The following TMEM62 variants were observed in gnomAD, a reference collection of about 807,000 sequenced individuals.
The protein encoded by TMEM62 is transmembrane protein 62.
In TMEM62, 41 loss-of-function variants were observed where a neutral mutation model predicts 70.4. The ratio of observed to expected loss-of-function variants is 0.58; its 90% CI spans 0.45 to 0.76. The LOEUF is 0.76. Ranked by LOEUF, TMEM62 falls within the 30% of genes least tolerant of loss-of-function variation. TMEM62 has a pLI of 0.00. For missense variants in TMEM62, 688 were observed against 788.5 expected, an observed-to-expected ratio of 0.87 and a Z score of 1.53; for synonymous variants, 268 against 291.0, an observed-to-expected ratio of 0.92 and a Z score of 0.80.
Position 43,184,506 on chromosome 15 carries a change from C to T in TMEM62, c.1852C>T (p.Leu618Phe). ...RTWLTLLTPV[L>F]IRYVWTLNST... ...CTGGTTGACACTGCTGACACCTGTTCTCATTCGTTATGTGTGGACACTGAA... is the reference window on the plus strand; with the variant it reads ...CTGGTTGACACTGCTGACACCTGTTTTCATTCGTTATGTGTGGACACTGAA... The change falls in exon 14 of 14, where the codon CTC becomes TTC. Residue 618 changes from leucine to phenylalanine, a missense_variant. Coordinates refer to ENST00000260403, the MANE Select transcript of TMEM62 (RefSeq NM_024956.4). The T allele has an allele frequency of 1.2e-6, 2 of 1,613,816 alleles. No homozygotes were observed. The highest frequency in any genetic ancestry group is 1.7e-6 in the Non-Finnish European group (2 of 1,180,020).
chr15:43,182,287 C>A (rs2041407406), intron 13 of TMEM62, among the ~76,000 whole-genome samples: 1 of 152,068 alleles, frequency 6.6e-6, no homozygotes, highest in Non-Finnish European at 1.5e-5. Flanking sequence ...AAGTTCATGG[C>A]CTTCTAACAG....
At chr15:43,166,253 CT>C (rs898278840) in intron 10 of TMEM62, among the ~76,000 whole-genome samples, 3 of 151,986 alleles carry the variant, frequency 2.0e-5, no homozygotes, top group Non-Finnish European at 2.9e-5. Flanking sequence ...GTTTTCTTTT[CT>C]TTTTTTTCTT....
In TMEM62 at chr15:43,178,656, C is replaced by A. The variant is rs2041029323; in HGVS notation, c.1431C>A (p.Ser477Arg). Residue 477 changes from serine (S) to arginine (R), a missense_variant, in exon 12 of 14, where the codon AGC becomes AGA. Transcript: ENST00000260403. ...NLTSFSLHVL[S>R]KINIFYYSVL... ...CCTCATTTTCTCTTCATGTCTTGAG[C>A]AAAATAAACATCTTCTACTATTCTG... 1 of 1,612,828 alleles carries A rather than the reference C, an allele frequency of 6.2e-7. No homozygotes were observed. Among genetic ancestry groups the A allele is most frequent in the African/African-American group, 1.3e-5 (1 of 74,862 alleles).
intron 9 of TMEM62, 189 bp from the exon 10 acceptor site, chr15:43,160,492 C>T: frequency 1.9e-6 from 1 of 520,242 alleles, no homozygotes; most frequent in South Asian, 2.6e-5. Flanking sequence ...AGTGAGCTAG[C>T]TATGATTGCA....
Position 43,181,220 on chromosome 15 carries a change from G to T in TMEM62, c.1526G>T (p.Gly509Val). The T allele has an allele frequency of 1.2e-6, 2 of 1,613,798 alleles. No homozygotes were observed. The highest frequency in any genetic ancestry group is 2.2e-5 in the South Asian group (2 of 91,064). Residue 509 changes from glycine to valine, a missense_variant, in exon 13 of 14, where the codon GGT becomes GTT. Physicochemically the swap from Gly to Val is moderately radical, Grantham distance 109. Transcript: ENST00000260403. ...GGTGAAATCATTGATGGCAAATTTG[G>T]TTGCTGCTTTTCCTTTGGGATATTT... is the stretch of plus-strand genomic sequence containing the variant. ...FFGEIIDGKF[G>V]CCFSFGIFVN...
chr15:43,148,321 T>C (rs2036927263), intron 5 of TMEM62, among the ~76,000 whole-genome samples: 1 of 152,216 alleles, frequency 6.6e-6, no homozygotes, highest in Non-Finnish European at 1.5e-5. Flanking sequence ...TGTTCCATCG[T>C]GTGGATGTAT....
chr15:43,160,411 C>T (rs1378534264), intron 9 of TMEM62: 2 of 290,716 alleles, frequency 6.9e-6, no homozygotes, highest in Admixed American at 5.1e-5. Flanking sequence ...ATTAGCCAGG[C>T]GTAGTGGTGT....
At chr15:43,178,365 A>G (rs1055572453) in intron 11 of TMEM62, among the ~76,000 whole-genome samples, 6 of 152,166 alleles carry the variant, frequency 3.9e-5, no homozygotes, top group African/African-American at 1.4e-4. Flanking sequence ...TATGATATAT[A>G]TAAAATATCT....
intron 10 of TMEM62, among the ~76,000 whole-genome samples, chr15:43,161,308 A>T (rs1848842556): frequency 6.6e-6 from 1 of 152,206 alleles, no homozygotes; most frequent in African/African-American, 2.4e-5. Context: ...GGATGCTATA[A>T]ATCCAGGATA....
intron 10 of TMEM62, among the ~76,000 whole-genome samples, chr15:43,165,461 C>T (rs923907385): frequency 2.6e-5 from 4 of 152,068 alleles, no homozygotes; most frequent in African/African-American, 9.7e-5. Flanking sequence ...AGGCTGGGTG[C>T]GGTGGCTCAC....
chr15:43,140,422 C>T (rs1183007286), intron 4 of TMEM62, among the ~76,000 whole-genome samples: 1 of 152,174 alleles, frequency 6.6e-6, no homozygotes, highest in Non-Finnish European at 1.5e-5. Flanking sequence ...CATTTGTTGT[C>T]CTGGATGTCA....
intron 9 of TMEM62, among the ~76,000 whole-genome samples, chr15:43,159,928 A>C (rs1239304891): frequency 3.3e-5 from 5 of 152,280 alleles, no homozygotes; most frequent in Admixed American, 6.5e-5. Context: ...ACGTGAGTGC[A>C]TGCTAATATT....
At chr15:43,138,730 G>A (rs994413706) in intron 4 of TMEM62, 111 bp downstream of exon 4, 1 of 921,260 alleles carries the variant, frequency 1.1e-6, no homozygotes, top group Non-Finnish European at 1.7e-6. Context: ...AAGAGGCAGG[G>A]GTCTCGCTAT....
At chr15:43,139,886 G>A (rs1336670791) in intron 4 of TMEM62, among the ~76,000 whole-genome samples, 1 of 152,238 alleles carries the variant, frequency 6.6e-6, no homozygotes, top group Non-Finnish European at 1.5e-5. Context: ...AGAAGCTGCA[G>A]CAAGTGACCC....
intron 8 of TMEM62, among the ~76,000 whole-genome samples, chr15:43,153,248 T>C (rs1044091576): frequency 3.3e-5 from 5 of 152,184 alleles, no homozygotes; most frequent in Non-Finnish European, 5.9e-5. Flanking sequence ...CTATTTTTAA[T>C]CATGGTAAGC....
intron 11 of TMEM62, among the ~76,000 whole-genome samples, chr15:43,171,238 AG>A (rs1430843498): frequency 4.6e-5 from 7 of 152,012 alleles, no homozygotes; most frequent in African/African-American, 1.7e-4. Flanking sequence ...CGGGAGGCTG[AG>A]GCATGAGAAT....
chr15:43,151,936 C>T lies in TMEM62; in HGVS notation c.1013C>T (p.Thr338Ile), dbSNP rs368044936. The T allele has an allele frequency of 4.3e-6, 7 of 1,610,028 alleles. No individual in the cohort carries two copies. The African/African-American group carries it at 8.0e-5, about 18-fold the overall frequency. The change falls in exon 8 of 14, where the codon ACA becomes ATA. Residue 338 changes from threonine (T) to isoleucine (I), a missense_variant. Transcript: ENST00000260403. ...HEPLERLLHS[T>I]HIRVLAFSLS... ...CCACTAGAAAGACTTCTTCACTCAA[C>T]ACACATCAGGTATGTAGCAATTTTT...
chr15:43,177,500 G>T (rs942258418), intron 11 of TMEM62, among the ~76,000 whole-genome samples: 1 of 151,952 alleles, frequency 6.6e-6, no homozygotes, highest in Admixed American at 6.6e-5. Flanking sequence ...CCCATTACTG[G>T]GTATATACCC....
At chr15:43,145,333 T>C (rs1456261470) in intron 4 of TMEM62, among the ~76,000 whole-genome samples, 1 of 149,562 alleles carries the variant, frequency 6.7e-6, no homozygotes, top group East Asian at 2.0e-4. Flanking sequence ...GCCTCTGGAG[T>C]AGCTGGGACT....
Sources: allele counts gnomAD v4.1 joint callset (sites outside exome capture counted in the v4.1 genomes callset), GRCh38; gene constraint gnomAD v4.1.1; transcripts MANE v1.5; gene names NCBI Gene and HGNC (gene_info 2026-07-23, HGNC 2026-07-21).